The following LRPPRC variants were observed in gnomAD, a reference collection of about 807,000 sequenced individuals.
LRPPRC encodes the protein leucine-rich PPR motif-containing protein, mitochondrial.
LRPPRC carries 120 observed loss-of-function variants against 180.3 expected under a neutral mutation model. That is an observed-to-expected ratio of 0.67 (90% CI 0.57 to 0.77). The LOEUF is 0.77. LRPPRC is among the 30% of genes least tolerant of loss of function. The pLI is 0.00. For synonymous variants in LRPPRC, 723 were observed against 600.0 expected, an observed-to-expected ratio of 1.21 and a Z score of -3.00; for missense variants, 2,012 against 1,657.2, an observed-to-expected ratio of 1.21 and a Z score of -3.72.
At chr2:43,932,999 T>C (rs1010508626) in intron 25 of LRPPRC, among the ~76,000 whole-genome samples, 1 of 152,182 alleles carries the variant, frequency 6.6e-6, no homozygotes, top group Non-Finnish European at 1.5e-5. Flanking sequence ...CAGAACTCAA[T>C]AGCCAGACAG....
intron 12 of LRPPRC, among the ~76,000 whole-genome samples, chr2:43,962,844 T>G (rs1673405808): frequency 6.6e-6 from 1 of 152,166 alleles, no homozygotes. Context: ...CAGTGACATG[T>G]GCCTATAATC....
chr2:43,913,815 C>T (rs954747369), intron 29 of LRPPRC, among the ~76,000 whole-genome samples: 2 of 152,044 alleles, frequency 1.3e-5, no homozygotes, highest in Non-Finnish European at 2.9e-5. Flanking sequence ...TGGCAAAAAA[C>T]GGAAAATAAA....
chr2:43,980,615 G>A (rs1033868848), intron 2 of LRPPRC, among the ~76,000 whole-genome samples: 2 of 148,590 alleles, frequency 1.3e-5, no homozygotes, highest in Admixed American at 1.3e-4. Context: ...AAAGAATACT[G>A]TAAAGCAGTG....
intron 3 of LRPPRC, among the ~76,000 whole-genome samples, chr2:43,979,169 A>G (rs1441388449): frequency 6.6e-6 from 1 of 152,134 alleles, no homozygotes; most frequent in African/African-American, 2.4e-5. Flanking sequence ...GAAAAGGTAT[A>G]AAAAGGTCAA....
chr2:43,931,079 A>C (rs2105053116), intron 25 of LRPPRC, among the ~76,000 whole-genome samples: 1 of 152,268 alleles, frequency 6.6e-6, no homozygotes, highest in East Asian at 1.9e-4. Context: ...TGATGTATGA[A>C]ATGTTACCAT....
rs537303052 is a variant in LRPPRC, at chr2:43,886,477, T to C, written c.*2123A>G. ...AAGCCCACCTACAGTATAGTTATTATACTTTAAATATTTATATTCAATAGG... is the reference window on the plus strand; with the variant it reads ...AAGCCCACCTACAGTATAGTTATTACACTTTAAATATTTATATTCAATAGG... On this transcript the variant is annotated 3_prime_UTR_variant, in exon 38 of 38. Transcript: ENST00000260665. The C allele has an allele frequency of 6.6e-6, 1 of 152,344 alleles. No homozygotes were observed. Among genetic ancestry groups the C allele is most frequent in the East Asian group, 1.9e-4 (1 of 5,186 alleles). The allele number at this position is 152,344 out of a possible 1,614,324, so 9.4% of individuals were successfully genotyped here.
At chr2:43,995,761 C>A (rs1675025686) in intron 1 of LRPPRC, 38 bp downstream of exon 1, 1 of 1,347,232 alleles carries the variant, frequency 7.4e-7, no homozygotes, top group South Asian at 1.9e-5. Flanking sequence ...GGGACCCTGG[C>A]GCCGCAGCTT....
intron 4 of LRPPRC, 48 bp downstream of exon 4, chr2:43,977,107 A>G: frequency 6.2e-7 from 1 of 1,602,324 alleles, no homozygotes; most frequent in African/African-American, 1.3e-5. Flanking sequence ...CTGAGTAAAG[A>G]AAAAAAATGG....
rs1010859859 is a variant in LRPPRC, at chr2:43,889,802, G to C, written c.4060C>G (p.Leu1354Val). ...AAAGATGCGTAACGCTTTAGAAACA[G>C]ATCATCCAATTTTGTATTCTTTGCA... ...LTAKNTKLDDLFLKRYASLLK... is the reference protein window; with the variant it reads ...LTAKNTKLDDVFLKRYASLLK... Residue 1354 changes from leucine (L) to valine (V), a missense_variant, in exon 37 of 38, where the codon CTG becomes GTG. Leu to Val is a conservative substitution (Grantham distance 32, BLOSUM62 1). Transcript: ENST00000260665. 3.7e-6 allele frequency: 6 copies of C among 1,610,372 alleles called. No homozygotes were observed. In the African/African-American group the frequency reaches 4.0e-5, roughly 11 times the overall value.
intron 14 of LRPPRC, among the ~76,000 whole-genome samples, chr2:43,954,088 C>T (rs189515078): frequency 1.3e-5 from 2 of 152,228 alleles, no homozygotes; most frequent in Non-Finnish European, 2.9e-5. Flanking sequence ...CCCTACATCT[C>T]TGTAACTTGC....
At chr2:43,902,307 T>C (rs763756673) in intron 31 of LRPPRC, 5 of 152,180 alleles carry the variant, frequency 3.3e-5, no homozygotes, top group Non-Finnish European at 7.3e-5. Context: ...AACTGACTCA[T>C]AAAACTGTAG....
rs537108237 is a variant in LRPPRC at position 43,888,015 on chromosome 2, A to T, written c.*585T>A. On this transcript the variant is annotated 3_prime_UTR_variant, in exon 38 of 38. Transcript: ENST00000260665. ...AGGGAAAGATGGGGAAGTGTGCCGA[A>T]GAGCCTCCAGGCATGACAGACAGTC... 1.9e-5 allele frequency: 3 copies of T among 154,032 alleles called. No homozygotes were observed. The East Asian group carries it at 5.7e-4, about 29-fold the overall frequency. 9.5% of individuals were successfully genotyped at this position (154,032 alleles called of 1,614,324 possible).
intron 21 of LRPPRC, 57 bp downstream of exon 21, chr2:43,946,056 C>A (rs551590840): frequency 1.3e-6 from 2 of 1,543,958 alleles, no homozygotes; most frequent in Non-Finnish European, 1.8e-6. Flanking sequence ...GATAATCTAT[C>A]AAGGTCTGTA....
rs1670931603 is a variant in LRPPRC at position 43,902,726 on chromosome 2, A to G, written c.3365-1202T>C. 3.3e-5 allele frequency: 5 copies of G among 152,194 alleles called. No individual in the cohort carries two copies. The South Asian group carries it at 1.0e-3, about 31-fold the overall frequency. The allele number at this position is 152,194 out of a possible 1,614,324, so 9.4% of individuals were successfully genotyped here. A position where few individuals can be genotyped will look rare whatever the true frequency, so the allele number is the denominator to read the frequency against. Reference sequence around the variant, plus strand: ...TTTATACTATTTAAAAATATTTATAATAAGCTTGATAAAATTTTGCTAATG... The same window carrying G: ...TTTATACTATTTAAAAATATTTATAGTAAGCTTGATAAAATTTTGCTAATG... On this transcript the variant is annotated intron_variant, in intron 31 of 37. Coordinates refer to ENST00000260665, the MANE Select transcript of LRPPRC (RefSeq NM_133259.4).
intron 31 of LRPPRC, 81 bp downstream of exon 31, chr2:43,905,611 T>C (rs762377698): frequency 5.0e-6 from 5 of 1,004,338 alleles, no homozygotes; most frequent in Non-Finnish European, 6.4e-6. Flanking sequence ...ATGGACTCCT[T>C]TATCCAAGTA....
intron 3 of LRPPRC, 66 bp downstream of exon 3, chr2:43,979,760 C>G: frequency 3.5e-6 from 5 of 1,414,522 alleles, no homozygotes; most frequent in Non-Finnish European, 5.0e-6. Flanking sequence ...TGTAAACAAA[C>G]ACTTTTTTGC....
At chr2:43,948,065 C>T in intron 18 of LRPPRC, 57 bp downstream of exon 18, 2 of 1,144,292 alleles carry the variant, frequency 1.7e-6, no homozygotes, top group Non-Finnish European at 2.6e-6. Context: ...AAAATTTTAA[C>T]ATGCTGTTAT....
chr2:43,971,750 T>C (rs1032986823), intron 11 of LRPPRC, among the ~76,000 whole-genome samples: 1 of 152,000 alleles, frequency 6.6e-6, no homozygotes, highest in African/African-American at 2.4e-5. Context: ...AATAAGAATG[T>C]TACTTTCTTA....
intron 10 of LRPPRC, 24 bp downstream of exon 10, chr2:43,973,771 G>C (rs1553410847): frequency 1.2e-6 from 2 of 1,601,442 alleles, no homozygotes; most frequent in South Asian, 1.1e-5. Flanking sequence ...TCCTTACTTG[G>C]CTTTAACTTT....
Sources: allele counts gnomAD v4.1 joint callset (sites outside exome capture counted in the v4.1 genomes callset), GRCh38; gene constraint gnomAD v4.1.1; transcripts MANE v1.5; gene names NCBI Gene and HGNC (gene_info 2026-07-23, HGNC 2026-07-21).